Variants in CCDC73 observed in about 807,000 individuals in gnomAD.
CCDC73 encodes coiled-coil domain containing 73, also known as coiled-coil domain-containing protein 73.
In CCDC73, 95 loss-of-function variants were observed where a neutral mutation model predicts 116.5. That is an observed-to-expected ratio of 0.82 (90% confidence interval 0.69 to 0.97). The LOEUF is 0.97. CCDC73 is among the 50% of genes least tolerant of loss of function. CCDC73 has a pLI of 0.00. For missense variants in CCDC73, 1,066 were observed against 1,206.8 expected (o/e 0.88, Z 1.73); for synonymous variants, 398 against 401.3 (o/e 0.99, Z 0.10).
chr11:32,755,879 C>CTATATATATA (rs1216226993), intron 2 of CCDC73, among the ~76,000 whole-genome samples: 1 of 106,924 alleles, frequency 9.4e-6, no homozygotes, highest in African/African-American at 3.7e-5. Flanking sequence ...ATATATATAT[C>CTATATATATA]TGTGTATATA....
chr11:32,653,087 G>A, intron 12 of CCDC73, 36 bp downstream of exon 12: 1 of 1,229,002 alleles, frequency 8.1e-7, no homozygotes, highest in East Asian at 2.4e-5. Context: ...CTAAAACACA[G>A]ATAGATAGAC....
chr11:32,616,989 G>C (rs1324615059), intron 14 of CCDC73, among the ~76,000 whole-genome samples: 1 of 152,176 alleles, frequency 6.6e-6, no homozygotes, highest in Non-Finnish European at 1.5e-5. Flanking sequence ...TGGAGTCATA[G>C]ATGGGGATAA....
chr11:32,687,242 C>T (rs868627616), intron 6 of CCDC73, among the ~76,000 whole-genome samples: 30 of 152,096 alleles, frequency 2.0e-4, no homozygotes, highest in Admixed American at 7.9e-4. Flanking sequence ...TAGAGCATTC[C>T]GGAACAGAAT....
intron 2 of CCDC73, among the ~76,000 whole-genome samples, chr11:32,719,411 C>G (rs1223082492): frequency 6.6e-6 from 1 of 152,146 alleles, no homozygotes; most frequent in Non-Finnish European, 1.5e-5. Context: ...ACAGCAAAGT[C>G]AGTAGCCACA....
At chr11:32,794,268 A>G (rs1371209710) in intron 1 of CCDC73, 1 of 152,230 alleles carries the variant, frequency 6.6e-6, no homozygotes, top group African/African-American at 2.4e-5. Flanking sequence ...TATGAGGTTT[A>G]AAACAAAAAC....
chr11:32,682,548 C>T (rs1856156386), intron 7 of CCDC73: 1 of 151,756 alleles, frequency 6.6e-6, no homozygotes, highest in South Asian at 2.1e-4. Context: ...TCATTTCTTA[C>T]TTCTCATGTA....
At chr11:32,707,445 CAA>C (rs1849865621) in intron 3 of CCDC73, among the ~76,000 whole-genome samples, 1 of 150,586 alleles carries the variant, frequency 6.6e-6, no homozygotes. Context: ...CCCTTTAGAT[CAA>C]GATAGTCAAC....
intron 6 of CCDC73, among the ~76,000 whole-genome samples, chr11:32,694,046 T>G (rs1856286737): frequency 6.6e-6 from 1 of 152,162 alleles, no homozygotes; most frequent in South Asian, 2.1e-4. Context: ...TTCAACATAG[T>G]GTTAGAAGTT....
Position 32,614,626 on chromosome 11 carries a change from AT to A in CCDC73, c.1691del (p.Asp564ValfsTer2). 6.2e-7 allele frequency: 1 copy of A among 1,612,936 alleles called. No individual in the cohort carries two copies. Reference sequence around the variant, plus strand: ...TGTTATTTTCAACCTCCAGATTTACATCTGTATGGTGAACATCTAATCCTCT... The same window carrying A: ...TGTTATTTTCAACCTCCAGATTTACACTGTATGGTGAACATCTAATCCTCT... ...RTRGLDVHHT[D>X]VNLEVENNKT... On this transcript the variant is annotated frameshift_variant, in exon 16 of 18. Coordinates refer to ENST00000335185, the MANE Select transcript of CCDC73 (RefSeq NM_001008391.4). LOFTEE classifies it high-confidence loss of function.
chr11:32,713,628 A>G (rs1849920663), intron 3 of CCDC73, among the ~76,000 whole-genome samples: 1 of 152,120 alleles, frequency 6.6e-6, no homozygotes, highest in Non-Finnish European at 1.5e-5. Context: ...GAGTCTGAAG[A>G]AAAAATGTGA....
intron 1 of CCDC73, among the ~76,000 whole-genome samples, chr11:32,761,840 C>A (rs1052767727): frequency 5.9e-5 from 9 of 152,144 alleles, no homozygotes; most frequent in Non-Finnish European, 8.8e-5. Context: ...ACTCTGAAAT[C>A]TTTAGGGCTG....
intron 6 of CCDC73, among the ~76,000 whole-genome samples, chr11:32,688,850 T>A (rs1347833315): frequency 1.3e-5 from 2 of 152,050 alleles, no homozygotes; most frequent in Admixed American, 1.3e-4. Context: ...CAGCTGAAGT[T>A]CAAAAGAAAG....
the CCDC73 span, chr11:32,830,368 G>A: frequency 2.2e-5 from 19 of 868,164 alleles, no homozygotes; most frequent in South Asian, 9.2e-5. Flanking sequence ...CGCGCGTCGG[G>A]TTCCGGCGAC....
At chr11:32,805,272 T>C in the CCDC73 span, among the ~76,000 whole-genome samples, 1 of 152,230 alleles carries the variant, frequency 6.6e-6, no homozygotes, top group Non-Finnish European at 1.5e-5. Context: ...ATTTTCTGCT[T>C]TTCATGTTAA....
chr11:32,802,335 T>C, the CCDC73 span, among the ~76,000 whole-genome samples: 15,395 of 152,226 alleles, frequency 0.1, 1,044 homozygotes, highest in Non-Finnish European at 0.15. Flanking sequence ...TCTTAAAATA[T>C]AAAAACACAC....
intron 2 of CCDC73, among the ~76,000 whole-genome samples, chr11:32,728,646 C>T (rs544194162): frequency 6.6e-6 from 1 of 152,300 alleles, no homozygotes; most frequent in South Asian, 2.1e-4. Flanking sequence ...CTATATTTAT[C>T]TATCTGTATA....
chr11:32,637,469 A>T (rs1413687517), intron 13 of CCDC73, among the ~76,000 whole-genome samples: 1 of 152,104 alleles, frequency 6.6e-6, no homozygotes, highest in Non-Finnish European at 1.5e-5. Context: ...ACATCATTTA[A>T]TAGCTCTGTA....
At chr11:32,747,251 A>G (rs532902693) in intron 2 of CCDC73, among the ~76,000 whole-genome samples, 1 of 152,304 alleles carries the variant, frequency 6.6e-6, no homozygotes, top group South Asian at 2.1e-4. Flanking sequence ...GGGTATCACC[A>G]GTGGAGGCTG....
chr11:32,603,288 C>T (rs1187654035), intron 17 of CCDC73: 1 of 312,634 alleles, frequency 3.2e-6, no homozygotes, highest in African/African-American at 2.1e-5. Flanking sequence ...CTTCAGAACA[C>T]CATTGTTGAA....
Sources: allele counts gnomAD v4.1 joint callset (sites outside exome capture counted in the v4.1 genomes callset), GRCh38; gene constraint gnomAD v4.1.1; transcripts MANE v1.5; gene names NCBI Gene and HGNC (gene_info 2026-07-23, HGNC 2026-07-21).